REDIC1: variants seen among roughly 807,000 people sequenced by gnomAD.
REDIC1 encodes HEI10 Interacting Protein 1.
At chr12:39,749,979 C>G in the REDIC1 span, among the ~76,000 whole-genome samples, 4 of 152,170 alleles carry the variant, frequency 2.6e-5, no homozygotes, top group Non-Finnish European at 5.9e-5. Flanking sequence ...TGGGCAAAAA[C>G]TGGAAGCATT....
chr12:39,905,116 A>G, the REDIC1 span, among the ~76,000 whole-genome samples: 1 of 152,150 alleles, frequency 6.6e-6, no homozygotes, highest in Admixed American at 6.6e-5. Context: ...CAATTTTAAA[A>G]TCAGAATTTA....
chr12:39,788,958 T>C, the REDIC1 span, among the ~76,000 whole-genome samples: 478 of 152,236 alleles, frequency 3.1e-3, 9 homozygotes, highest in African/African-American at 0.011. Flanking sequence ...TGTGTGTGTG[T>C]GCGCAAACAA....
chr12:39,713,393 GACAC>G, the REDIC1 span, among the ~76,000 whole-genome samples: 1 of 141,728 alleles, frequency 7.1e-6, no homozygotes, highest in African/African-American at 2.6e-5. Context: ...TATGTGTGTA[GACAC>G]ATACGTATGT....
the REDIC1 span, among the ~76,000 whole-genome samples, chr12:39,811,907 T>TTCAA: frequency 6.6e-6 from 1 of 152,218 alleles, no homozygotes; most frequent in Non-Finnish European, 1.5e-5. Flanking sequence ...AGTTTCTGTC[T>TTCAA]TTTATTGGAG....
chr12:39,646,038 T>C, the REDIC1 span, among the ~76,000 whole-genome samples: 1 of 152,038 alleles, frequency 6.6e-6, no homozygotes, highest in Non-Finnish European at 1.5e-5. Flanking sequence ...TGTGGGAATA[T>C]ATAACATAGT....
At chr12:39,772,932 A>G in the REDIC1 span, among the ~76,000 whole-genome samples, 1 of 152,194 alleles carries the variant, frequency 6.6e-6, no homozygotes. Flanking sequence ...AGAGTTACAT[A>G]CTCAGCAATA....
chr12:39,766,966 T>C, the REDIC1 span, among the ~76,000 whole-genome samples: 2 of 152,118 alleles, frequency 1.3e-5, no homozygotes, highest in Non-Finnish European at 2.9e-5. Context: ...GAACAACTTC[T>C]TGCAAACTTC....
chr12:39,773,527 G>A, the REDIC1 span, among the ~76,000 whole-genome samples: 1 of 152,130 alleles, frequency 6.6e-6, no homozygotes, highest in East Asian at 1.9e-4. Flanking sequence ...CTTTTAAAAT[G>A]TTACCTCTCC....
the REDIC1 span, among the ~76,000 whole-genome samples, chr12:39,662,668 T>C: frequency 6.6e-6 from 1 of 152,114 alleles, no homozygotes; most frequent in East Asian, 1.9e-4. Flanking sequence ...CAATACCATG[T>C]TGAATAGGAG....
the REDIC1 span, among the ~76,000 whole-genome samples, chr12:39,706,699 T>C: frequency 1.3e-5 from 2 of 151,714 alleles, no homozygotes; most frequent in African/African-American, 4.8e-5. Context: ...CAGAAACAAT[T>C]CCACACATTT....
At chr12:39,854,865 G>C in the REDIC1 span, among the ~76,000 whole-genome samples, 1 of 152,186 alleles carries the variant, frequency 6.6e-6, no homozygotes, top group East Asian at 1.9e-4. Context: ...TGCCTGGGTG[G>C]CTTCTCCATT....
chr12:39,660,586 A>C, the REDIC1 span, among the ~76,000 whole-genome samples: 1 of 152,022 alleles, frequency 6.6e-6, no homozygotes, highest in Non-Finnish European at 1.5e-5. Context: ...GCATGCATGG[A>C]ATGTGTAATA....
At chr12:39,631,136 C>A in the REDIC1 span, among the ~76,000 whole-genome samples, 1 of 152,138 alleles carries the variant, frequency 6.6e-6, no homozygotes, top group Non-Finnish European at 1.5e-5. Context: ...GTGATCCCCC[C>A]ACCTCGGCCT....
chr12:39,701,518 TAGAC>T, the REDIC1 span, among the ~76,000 whole-genome samples: 18 of 152,018 alleles, frequency 1.2e-4, no homozygotes, highest in Non-Finnish European at 2.4e-4. Flanking sequence ...CTGTCAACAT[TAGAC>T]AGATCAATGA....
At chr12:39,722,242 A>G in the REDIC1 span, among the ~76,000 whole-genome samples, 1 of 152,144 alleles carries the variant, frequency 6.6e-6, no homozygotes, top group Non-Finnish European at 1.5e-5. Flanking sequence ...ACCAACAGCT[A>G]AAGTTTAAAT....
At chr12:39,892,052 A>G in the REDIC1 span, among the ~76,000 whole-genome samples, 4 of 152,338 alleles carry the variant, frequency 2.6e-5, no homozygotes, top group Middle Eastern at 0.01. Context: ...AAGATCTATT[A>G]GGTAATTTCT....
chr12:39,646,023 A>G, the REDIC1 span, among the ~76,000 whole-genome samples: 684 of 152,208 alleles, frequency 4.5e-3, 1 homozygote, highest in Non-Finnish European at 7.6e-3. Flanking sequence ...AAATATATAT[A>G]GTACTGTGGG....
At chr12:39,715,046 C>T in the REDIC1 span, among the ~76,000 whole-genome samples, 10 of 151,826 alleles carry the variant, frequency 6.6e-5, no homozygotes, top group South Asian at 2.1e-4. Context: ...TTCCTTTTGC[C>T]GTGCAAAAGC....
the REDIC1 span, among the ~76,000 whole-genome samples, chr12:39,795,910 C>T: frequency 1.3e-5 from 2 of 152,018 alleles, no homozygotes; most frequent in Non-Finnish European, 2.9e-5. Flanking sequence ...TCAATTCATC[C>T]TTTTAAAGCA....
Sources: allele counts gnomAD v4.1 joint callset (sites outside exome capture counted in the v4.1 genomes callset), GRCh38; gene constraint gnomAD v4.1.1; transcripts MANE v1.5; gene names NCBI Gene and HGNC (gene_info 2026-07-23, HGNC 2026-07-21).